PRR16: variants seen among roughly 807,000 people sequenced by gnomAD.
PRR16 encodes proline rich 16.
In PRR16, 6 loss-of-function variants were observed where a neutral mutation model predicts 18.2. That is an observed-to-expected ratio of 0.33 (90% CI 0.18 to 0.65). The LOEUF is 0.65. Among genes scored for constraint, PRR16 ranks in the 30% least tolerant of loss-of-function variants. The pLI is 0.74. For synonymous variants in PRR16, 151 were observed against 147.8 expected, an observed-to-expected ratio of 1.02 and a Z score of -0.16; for missense variants, 412 against 376.6, an observed-to-expected ratio of 1.09 and a Z score of -0.78.
At chr5:120,712,899 T>C in the PRR16 span, among the ~76,000 whole-genome samples, 13 of 152,278 alleles carry the variant, frequency 8.5e-5, no homozygotes, top group Non-Finnish European at 1.6e-4. Flanking sequence ...ACAGCCATTA[T>C]TGGAGACAAT....
chr5:120,793,745 G>C, the PRR16 span, among the ~76,000 whole-genome samples: 1 of 152,158 alleles, frequency 6.6e-6, no homozygotes, highest in Non-Finnish European at 1.5e-5. Context: ...CTTAAAAACA[G>C]GGATACTTTC....
chr5:120,751,700 G>A, the PRR16 span, among the ~76,000 whole-genome samples: 529 of 152,020 alleles, frequency 3.5e-3, 5 homozygotes, highest in African/African-American at 0.012. Flanking sequence ...GACCTTATAA[G>A]TTTATGACAA....
chr5:120,699,690 G>C, the PRR16 span, among the ~76,000 whole-genome samples: 1 of 152,152 alleles, frequency 6.6e-6, no homozygotes, highest in Non-Finnish European at 1.5e-5. Context: ...GCAGACATGA[G>C]GGCTAGGCTA....
the PRR16 span, among the ~76,000 whole-genome samples, chr5:120,733,711 A>T: frequency 2.0e-5 from 3 of 152,164 alleles, no homozygotes; most frequent in Non-Finnish European, 2.9e-5. Flanking sequence ...AACCTTTAGA[A>T]TCCAGCCTGA....
At chr5:120,536,633 A>G (rs1382164265) in intron 1 of PRR16, among the ~76,000 whole-genome samples, 2 of 152,194 alleles carry the variant, frequency 1.3e-5, no homozygotes, top group African/African-American at 2.4e-5. Flanking sequence ...GGTGTGATAT[A>G]TGTTTACATT....
At chr5:120,502,999 G>A (rs9327144) in intron 1 of PRR16, among the ~76,000 whole-genome samples, 41,508 of 151,786 alleles carry the variant, frequency 0.27, 6,990 homozygotes, top group African/African-American at 0.48. Context: ...TTTTCTGTTC[G>A]CAATTCCATG....
At chr5:120,779,555 C>T in the PRR16 span, among the ~76,000 whole-genome samples, 1 of 152,110 alleles carries the variant, frequency 6.6e-6, no homozygotes, top group Non-Finnish European at 1.5e-5. Context: ...GTTCGCATTT[C>T]GTGTGCTTTT....
the PRR16 span, among the ~76,000 whole-genome samples, chr5:120,777,177 A>G: frequency 1.3e-5 from 2 of 152,202 alleles, no homozygotes; most frequent in South Asian, 4.1e-4. Context: ...TTTTTAACAT[A>G]TCATCAAGTT....
rs201865677 is a variant in PRR16, at chr5:120,584,431, TGAAAA to T, written c.160-101520_160-101516del. Among the ~76,000 whole-genome samples the T allele has an allele frequency of 9.9e-3, 1,502 of 152,272 alleles. 22 individuals carry two copies. Among genetic ancestry groups the T allele is most frequent in the African/African-American group, 0.034 (1,422 of 41,570 alleles). On this transcript the variant is annotated intron_variant, in intron 1 of 1. Transcript: ENST00000407149. The stretch of plus-strand genomic sequence containing the variant: ...AGGGTAATAAATTGGTCTATGAAAA[TGAAAA>T]GATACCACAGTTGATTAATAGACTA...
intron 1 of PRR16, among the ~76,000 whole-genome samples, chr5:120,562,131 T>C (rs1234782701): frequency 1.3e-5 from 2 of 152,178 alleles, no homozygotes; most frequent in Non-Finnish European, 2.9e-5. Flanking sequence ...TTGGCTCTAA[T>C]CATAGTTGTT....
chr5:120,714,453 C>T, the PRR16 span, among the ~76,000 whole-genome samples: 1 of 152,072 alleles, frequency 6.6e-6, no homozygotes, highest in Non-Finnish European at 1.5e-5. Context: ...CATCTTGCAC[C>T]AGTCAGAATG....
chr5:120,468,710 A>G (rs1287404236), intron 1 of PRR16, among the ~76,000 whole-genome samples: 1 of 152,206 alleles, frequency 6.6e-6, no homozygotes, highest in African/African-American at 2.4e-5. Flanking sequence ...GGGATCACAT[A>G]TCTTATTGGT....
chr5:120,753,766 G>A, the PRR16 span, among the ~76,000 whole-genome samples: 1 of 144,426 alleles, frequency 6.9e-6, no homozygotes, highest in Admixed American at 7.3e-5. Context: ...GAATAAAAAA[G>A]TTCTTCAGTT....
chr5:120,566,050 G>A (rs796744025), intron 1 of PRR16, among the ~76,000 whole-genome samples: 3 of 152,290 alleles, frequency 2.0e-5, no homozygotes, highest in African/African-American at 4.8e-5. Context: ...AATTGCCATT[G>A]CAGCAATATT....
At chr5:120,568,113 C>A (rs571098496) in intron 1 of PRR16, among the ~76,000 whole-genome samples, 1 of 152,176 alleles carries the variant, frequency 6.6e-6, no homozygotes, top group Non-Finnish European at 1.5e-5. Context: ...ATAATTATTT[C>A]TTTGCATATT....
intron 1 of PRR16, among the ~76,000 whole-genome samples, chr5:120,467,193 C>T (rs983580124): frequency 6.6e-6 from 1 of 152,072 alleles, no homozygotes; most frequent in Non-Finnish European, 1.5e-5. Context: ...TCATCATATT[C>T]AGTATTCTGG....
chr5:120,668,117 G>A (rs1265795345), intron 1 of PRR16, among the ~76,000 whole-genome samples: 1 of 151,964 alleles, frequency 6.6e-6, no homozygotes, highest in Non-Finnish European at 1.5e-5. Context: ...CTCAGGAGTT[G>A]CTTTATGAAT....
the PRR16 span, among the ~76,000 whole-genome samples, chr5:120,745,859 CG>C: frequency 2.3e-4 from 30 of 130,244 alleles, 1 homozygote; most frequent in South Asian, 6.9e-3. Flanking sequence ...CCACCACGCC[CG>C]GGTAATTTTT....
At chr5:120,694,191 G>C in the PRR16 span, among the ~76,000 whole-genome samples, 1 of 152,082 alleles carries the variant, frequency 6.6e-6, no homozygotes, top group Non-Finnish European at 1.5e-5. Flanking sequence ...TAATATGGTG[G>C]ATTGTTTTTT....
Sources: gnomAD v4.1 joint callset for allele counts (sites outside exome capture counted in the v4.1 genomes callset) on GRCh38, gnomAD v4.1.1 for gene constraint, MANE v1.5 for transcripts, NCBI Gene and HGNC (gene_info 2026-07-23, HGNC 2026-07-21) for gene names.